CKS2: variants seen among roughly 807,000 people sequenced by gnomAD.
The protein encoded by CKS2 is CDC28 protein kinase regulatory subunit 2.
A neutral mutation model predicts 14.3 loss-of-function variants in CKS2; 4 were observed. The observed-to-expected ratio is 0.28, with a 90% confidence interval of 0.14 to 0.64. The LOEUF (loss-of-function observed/expected upper bound fraction) is 0.64. CKS2 is among the 30% of genes least tolerant of loss of function. The pLI, the probability that CKS2 is intolerant of heterozygous loss-of-function variation, is 0.83. For missense variants in CKS2, 71 were observed against 94.3 expected (o/e 0.75, Z 1.02); for synonymous variants, 33 against 28.7 (o/e 1.15, Z -0.48).
chr9:89,315,093 A>C, intron 1 of CKS2, 77 bp from the exon 2 acceptor site: 1 of 1,256,712 alleles, frequency 8.0e-7, no homozygotes. Flanking sequence ...AAAGCAACAG[A>C]GTTCCTTAAG....
intron 1 of CKS2, chr9:89,312,154 G>C (rs544890093): frequency 5.5e-4 from 85 of 154,534 alleles, no homozygotes; most frequent in African/African-American, 2.0e-3. Context: ...TTTGGGCTTT[G>C]AGAAACTTTT....
At chr9:89,312,603 A>C (rs758407963) in intron 1 of CKS2, among the ~76,000 whole-genome samples, 5 of 152,180 alleles carry the variant, frequency 3.3e-5, no homozygotes, top group African/African-American at 4.8e-5. Context: ...GGACTACTGA[A>C]TATTTCTATG....
intron 1 of CKS2, among the ~76,000 whole-genome samples, chr9:89,311,912 CTT>C (rs1294360166): frequency 1.3e-5 from 2 of 152,046 alleles, no homozygotes; most frequent in Admixed American, 1.3e-4. Context: ...GAACACTTTT[CTT>C]TTTCTTGTTT....
chr9:89,311,235 T>G lies in CKS2; in HGVS notation c.-58T>G, dbSNP rs1314013453. On this transcript the variant is annotated 5_prime_UTR_variant, in exon 1 of 3. Coordinates refer to ENST00000314355, the MANE Select transcript of CKS2 (RefSeq NM_001827.3). The stretch of plus-strand genomic sequence containing the variant: ...GTTGTTGCCTGGGCTGGACGTGGTT[T>G]TGTCTGCTGCGCCCGCTCTTCGCGC... 20 of 1,477,502 alleles carry G rather than the reference T, an allele frequency of 1.4e-5. No individual in the cohort carries two copies. Among genetic ancestry groups the G allele is most frequent in the Middle Eastern group, 1.7e-4 (1 of 5,844 alleles). 91.5% of individuals were successfully genotyped at this position (1,477,502 alleles called of 1,614,324 possible).
At position 89,311,349 on chromosome 9, in the gene CKS2, C is replaced by T. The variant is rs763642909; in HGVS notation, c.57C>T (p.Tyr19=). 3 of 1,604,202 alleles carry T rather than the reference C, an allele frequency of 1.9e-6. No individual in the cohort carries two copies. In the South Asian group the frequency reaches 3.3e-5, roughly 18 times the overall value. ...AGTACTTCGACGAACACTACGAGTA[C>T]CGGTGGGCGCCTTTCTTAGACCCCG... ...SDKYFDEHYE[Y]RHVMLPRELS... The change falls in exon 1 of 3, where the codon TAC becomes TAT. Residue 19 remains tyrosine (Y), a splice_region_variant and synonymous_variant. Coordinates refer to ENST00000314355, the MANE Select transcript of CKS2 (RefSeq NM_001827.3).
rs772385694 is a variant in CKS2, at chr9:89,311,253, C to T, written c.-40C>T. ...CGTGGTTTTGTCTGCTGCGCCCGCTCTTCGCGCTCTCGTTTCATTTTCTGC... is the reference window on the plus strand; with the variant it reads ...CGTGGTTTTGTCTGCTGCGCCCGCTTTTCGCGCTCTCGTTTCATTTTCTGC... On this transcript the variant is annotated 5_prime_UTR_variant, in exon 1 of 3. Transcript: ENST00000314355. The T allele has an allele frequency of 6.3e-6, 10 of 1,589,278 alleles. No individual in the cohort carries two copies. Among genetic ancestry groups the T allele is most frequent in the Middle Eastern group, 1.7e-4 (1 of 6,044 alleles).
At chr9:89,315,966 TAAAG>T (rs925712805) in intron 2 of CKS2, among the ~76,000 whole-genome samples, 4 of 152,208 alleles carry the variant, frequency 2.6e-5, no homozygotes, top group African/African-American at 9.6e-5. Context: ...ACTCTGCTGT[TAAAG>T]AAAAGCATTG....
intron 1 of CKS2, chr9:89,312,331 C>T (rs951539575): frequency 6.5e-6 from 1 of 154,644 alleles, no homozygotes; most frequent in Non-Finnish European, 1.5e-5. Flanking sequence ...CGGGACACTT[C>T]ATTTAGGGCG....
At chr9:89,311,471 C>T in intron 1 of CKS2, 120 bp downstream of exon 1, 1 of 643,020 alleles carries the variant, frequency 1.6e-6, no homozygotes, top group Non-Finnish European at 2.4e-6. Context: ...AGCCCGGGGC[C>T]GGAGGGCGAG....
intron 1 of CKS2, among the ~76,000 whole-genome samples, chr9:89,313,566 A>G (rs1244734441): frequency 3.3e-5 from 5 of 152,250 alleles, no homozygotes; most frequent in African/African-American, 1.2e-4. Context: ...GGTTGATGCT[A>G]CTTAAACATT....
intron 2 of CKS2, among the ~76,000 whole-genome samples, chr9:89,316,082 T>G (rs1824706426): frequency 6.6e-6 from 1 of 152,180 alleles, no homozygotes; most frequent in Non-Finnish European, 1.5e-5. Context: ...AGAACTTAAG[T>G]GTAGATTTCT....
intron 1 of CKS2, among the ~76,000 whole-genome samples, chr9:89,311,992 G>A (rs1465262704): frequency 6.6e-6 from 1 of 152,024 alleles, no homozygotes; most frequent in Non-Finnish European, 1.5e-5. Context: ...ATGGGGATTC[G>A]AAAATGTTTA....
intron 1 of CKS2, among the ~76,000 whole-genome samples, chr9:89,313,345 A>G (rs894746291): frequency 2.0e-5 from 3 of 152,228 alleles, no homozygotes; most frequent in Admixed American, 6.5e-5. Context: ...TTCTAAGGGC[A>G]TAACAGTGGG....
In CKS2 at chr9:89,315,163, G is replaced by A. The variant is rs768525343; in HGVS notation, c.60-7G>A. The A allele has an allele frequency of 1.2e-6, 2 of 1,604,240 alleles. No individual in the cohort carries two copies. Among genetic ancestry groups the A allele is most frequent in the Non-Finnish European group, 1.7e-6 (2 of 1,175,590 alleles). ...CTGGACTAACACTTGGCTGTATCTTGTAACAGGCATGTTATGTTACCCAGA... is the reference window on the plus strand; with the variant it reads ...CTGGACTAACACTTGGCTGTATCTTATAACAGGCATGTTATGTTACCCAGA... On this transcript the variant is annotated splice_polypyrimidine_tract_variant and splice_region_variant and intron_variant, in intron 1 of 2. Transcript: ENST00000314355.
chr9:89,311,212 TG>T lies in CKS2; in HGVS notation c.-80del, dbSNP rs984435346. On this transcript the variant is annotated 5_prime_UTR_variant, in exon 1 of 3. Transcript: ENST00000314355. ...CTGCGGTCGTTAGTCTCCGGCGAGT[TG>T]TTGCCTGGGCTGGACGTGGTTTTGT... is the stretch of plus-strand genomic sequence containing the variant. 1.7e-6 allele frequency: 2 copies of T among 1,193,170 alleles called. No homozygotes were observed. The highest frequency in any genetic ancestry group is 2.5e-6 in the Non-Finnish European group (2 of 814,632). The allele number at this position is 1,193,170 out of a possible 1,614,324, so 73.9% of individuals were successfully genotyped here.
chr9:89,315,375 C>A (rs1824687906), intron 2 of CKS2, 78 bp downstream of exon 2: 6 of 1,244,130 alleles, frequency 4.8e-6, no homozygotes, highest in East Asian at 2.8e-5. Flanking sequence ...TTAAAAATAT[C>A]ATTGACATCA....
intron 1 of CKS2, among the ~76,000 whole-genome samples, chr9:89,313,391 CAAGAGA>C (rs1463786064): frequency 7.9e-5 from 12 of 152,208 alleles, no homozygotes; most frequent in African/African-American, 2.9e-4. Context: ...TCTGTTTTCA[CAAGAGA>C]AAAACTGTTA....
At chr9:89,311,404 G>A in intron 1 of CKS2, 53 bp downstream of exon 1, 1 of 1,511,512 alleles carries the variant, frequency 6.6e-7, no homozygotes, top group Non-Finnish European at 9.0e-7. Context: ...GGCCCCCGCG[G>A]GCGGGGCGAC....
chr9:89,311,387 C>T (rs1824603298), intron 1 of CKS2, 36 bp downstream of exon 1: 3 of 1,571,260 alleles, frequency 1.9e-6, no homozygotes, highest in South Asian at 1.1e-5. Context: ...CCGGCTCCCT[C>T]AGCCGGGGCC....
Sources: allele counts gnomAD v4.1 joint callset (sites outside exome capture counted in the v4.1 genomes callset), GRCh38; gene constraint gnomAD v4.1.1; transcripts MANE v1.5; gene names NCBI Gene and HGNC (gene_info 2026-07-23, HGNC 2026-07-21).